CNTLN: variants seen among roughly 807,000 people sequenced by gnomAD.
CNTLN encodes centlein, centrosomal protein.
A neutral mutation model predicts 180.0 loss-of-function variants in CNTLN; 212 were observed. That is an observed-to-expected ratio of 1.18 (90% CI 1.05 to 1.32). The LOEUF (loss-of-function observed/expected upper bound fraction) is 1.32. CNTLN is among the 40% of genes most tolerant of loss of function. The pLI, the probability that CNTLN is intolerant of heterozygous loss-of-function variation, is 0.00. For missense variants in CNTLN, 2,095 were observed against 1,610.9 expected, an observed-to-expected ratio of 1.30 and a Z score of -5.14; for synonymous variants, 722 against 563.1, an observed-to-expected ratio of 1.28 and a Z score of -3.99.
chr9:17,227,621 A>T (rs543594449), intron 3 of CNTLN, among the ~76,000 whole-genome samples: 36 of 152,026 alleles, frequency 2.4e-4, no homozygotes, highest in Middle Eastern at 3.4e-3. Context: ...GAGAACTTTG[A>T]TCTAGGATCA....
chr9:17,518,973 G>C, the CNTLN span, among the ~76,000 whole-genome samples: 1 of 151,918 alleles, frequency 6.6e-6, no homozygotes, highest in African/African-American at 2.4e-5. Flanking sequence ...ACCCAGGCTT[G>C]AGTACAGTGG....
chr9:17,302,221 G>A (rs1321213642), intron 7 of CNTLN, among the ~76,000 whole-genome samples: 2 of 146,698 alleles, frequency 1.4e-5, no homozygotes, highest in African/African-American at 5.1e-5. Flanking sequence ...TTTTTTGACA[G>A]TGTCTCACTC....
chr9:17,313,347 T>C (rs1423798143), intron 8 of CNTLN, among the ~76,000 whole-genome samples: 1 of 152,174 alleles, frequency 6.6e-6, no homozygotes, highest in Non-Finnish European at 1.5e-5. Flanking sequence ...TTATCATTTG[T>C]TTTCTGTTCA....
chr9:17,383,794 T>C (rs12341626), intron 13 of CNTLN, among the ~76,000 whole-genome samples: 27,661 of 151,642 alleles, frequency 0.18, 3,485 homozygotes, highest in Admixed American at 0.26. Flanking sequence ...CCTGCCACCA[T>C]GCCCGACTAA....
At chr9:17,238,541 C>T (rs755982432) in intron 5 of CNTLN, among the ~76,000 whole-genome samples, 1 of 152,110 alleles carries the variant, frequency 6.6e-6, no homozygotes, top group Non-Finnish European at 1.5e-5. Context: ...TCTCAACAAA[C>T]AGGCCTTTCT....
At position 17,218,411 on chromosome 9, in the gene CNTLN, T is replaced by A. The variant is rs536007133; in HGVS notation, c.450-7792T>A. On this transcript the variant is annotated intron_variant, in intron 2 of 25. Coordinates refer to ENST00000380647, the MANE Select transcript of CNTLN (RefSeq NM_017738.4). Reference sequence around the variant, plus strand: ...GTACAATATTTTTGCAACCTCTTTTTCAAGTTTTATTATTGTTATATTGTT... The same window carrying A: ...GTACAATATTTTTGCAACCTCTTTTACAAGTTTTATTATTGTTATATTGTT... 5.3e-5 allele frequency among the ~76,000 whole-genome samples: 8 copies of A among 152,264 alleles called. No homozygotes were observed. In the South Asian group the frequency reaches 1.7e-3, roughly 32 times the overall value.
At chr9:17,294,668 G>A (rs895858753) in intron 6 of CNTLN, among the ~76,000 whole-genome samples, 9 of 148,496 alleles carry the variant, frequency 6.1e-5, no homozygotes, top group South Asian at 4.4e-4. Context: ...TGCCAGTCCC[G>A]TGCCCTCCAC....
At chr9:17,252,313 A>G (rs913015580) in intron 5 of CNTLN, among the ~76,000 whole-genome samples, 1 of 151,716 alleles carries the variant, frequency 6.6e-6, no homozygotes, top group Non-Finnish European at 1.5e-5. Flanking sequence ...AGAAATTTCC[A>G]TACTCTTTTT....
chr9:17,288,117 T>A (rs967875873), intron 6 of CNTLN, among the ~76,000 whole-genome samples: 9 of 131,134 alleles, frequency 6.9e-5, no homozygotes, highest in Admixed American at 1.5e-4. Flanking sequence ...CAATTTTGGA[T>A]CTTTCCTGCT....
chr9:17,463,019 G>T lies in CNTLN; in HGVS notation c.3404+6G>T. 1 of 1,542,202 alleles carries T rather than the reference G, an allele frequency of 6.5e-7. No individual in the cohort carries two copies. The highest frequency in any genetic ancestry group is 2.0e-5 in the Admixed American group (1 of 50,198). ...ATAAAGGAAATGCATGAAAAGTATG[G>T]TTTTTGTATTTCTATCCATTGTATT... is the stretch of plus-strand genomic sequence containing the variant. On this transcript the variant is annotated splice_donor_region_variant and intron_variant, in intron 20 of 25. Transcript: ENST00000380647.
At chr9:17,165,869 C>T (rs368091104) in intron 2 of CNTLN, among the ~76,000 whole-genome samples, 13 of 152,196 alleles carry the variant, frequency 8.5e-5, no homozygotes, top group African/African-American at 2.7e-4. Flanking sequence ...CCTAGAGAAA[C>T]AACAGAGACA....
In CNTLN at chr9:17,332,669, T is replaced by C. The variant is rs759411294; in HGVS notation, c.1583T>C (p.Leu528Pro). 6.2e-7 allele frequency: 1 copy of C among 1,608,678 alleles called. No homozygotes were observed. The highest frequency in any genetic ancestry group is 2.2e-5 in the East Asian group (1 of 44,682). ...PKSSFTDSEE[L>P]QKLRKAERKI... ...AGCTCTTTCACAGACTCAGAAGAGC[T>C]ACAGAAGCTGAGAAAAGCTGAAAGA... is the stretch of plus-strand genomic sequence containing the variant. Residue 528 changes from leucine to proline, a missense_variant, in exon 10 of 26, where the codon CTA becomes CCA. By Grantham distance (98) the Leu-to-Pro change is moderately conservative. Transcript: ENST00000380647.
intron 2 of CNTLN, among the ~76,000 whole-genome samples, chr9:17,185,812 T>C (rs1184452487): frequency 1.3e-5 from 2 of 152,028 alleles, no homozygotes; most frequent in East Asian, 3.9e-4. Context: ...TATCTGTGTG[T>C]GTCAGGGTCC....
At chr9:17,488,128 A>G (rs1564147007) in intron 25 of CNTLN, among the ~76,000 whole-genome samples, 1 of 152,294 alleles carries the variant, frequency 6.6e-6, no homozygotes, top group East Asian at 1.9e-4. Flanking sequence ...AACAAGTATC[A>G]GTTTCCGTGC....
chr9:17,458,863 T>C (rs1831290278), intron 19 of CNTLN, among the ~76,000 whole-genome samples: 1 of 151,824 alleles, frequency 6.6e-6, no homozygotes, highest in African/African-American at 2.4e-5. Context: ...GGAAGAAGTG[T>C]TGTGCAATTT....
intron 2 of CNTLN, among the ~76,000 whole-genome samples, chr9:17,152,410 G>A (rs189863913): frequency 3.3e-5 from 5 of 152,134 alleles, no homozygotes; most frequent in South Asian, 4.1e-4. Context: ...CCTTCATTTC[G>A]TTATTTACCC....
Position 17,409,410 on chromosome 9 carries a change from C to G in CNTLN, c.2733C>G (p.Asp911Glu), listed in dbSNP as rs377557027. ...AGAAAGAAAGTGATCCAACAGAAGA[C>G]AGCCAAACACAAGGAAAAGAAATAG... ...KDQKESDPTE[D>E]SQTQGKEIVQ... Residue 911 changes from aspartate (D) to glutamate (E), a missense_variant, in exon 16 of 26, where the codon GAC becomes GAG. Transcript: ENST00000380647. 6.2e-7 allele frequency: 1 copy of G among 1,613,138 alleles called. No individual in the cohort carries two copies. Among genetic ancestry groups the G allele is most frequent in the Non-Finnish European group, 8.5e-7 (1 of 1,179,580 alleles).
At chr9:17,340,575 C>G (rs369890815) in intron 10 of CNTLN, among the ~76,000 whole-genome samples, 4 of 152,140 alleles carry the variant, frequency 2.6e-5, no homozygotes, top group African/African-American at 9.7e-5. Flanking sequence ...AGGAGTGAAA[C>G]TATCTTAATG....
chr9:17,296,992 A>G (rs1252506258), intron 6 of CNTLN, among the ~76,000 whole-genome samples: 1 of 152,200 alleles, frequency 6.6e-6, no homozygotes, highest in Non-Finnish European at 1.5e-5. Context: ...TATAGGTAAA[A>G]ATAAGTTCCA....
Sources: gnomAD v4.1 joint callset for allele counts (sites outside exome capture counted in the v4.1 genomes callset) on GRCh38, gnomAD v4.1.1 for gene constraint, MANE v1.5 for transcripts, NCBI Gene and HGNC (gene_info 2026-07-23, HGNC 2026-07-21) for gene names.